PPP4R4: variants seen among roughly 807,000 people sequenced by gnomAD.
PPP4R4 encodes the protein serine/threonine-protein phosphatase 4 regulatory subunit 4.
Under a neutral mutation model 121.8 loss-of-function variants are expected in PPP4R4, and 70 were observed. That is an observed-to-expected ratio of 0.57 (90% CI 0.47 to 0.70). PPP4R4 has a LOEUF of 0.70. PPP4R4 is among the 30% of genes least tolerant of loss of function. The probability of loss-of-function intolerance (pLI) is 0.00; values close to 1 mark genes in which losing one functional copy is unlikely to be tolerated. For synonymous variants in PPP4R4, 348 were observed against 355.7 expected, an observed-to-expected ratio of 0.98 and a Z score of 0.24; for missense variants, 875 against 1,033.6, an observed-to-expected ratio of 0.85 and a Z score of 2.10.
intron 2 of PPP4R4, among the ~76,000 whole-genome samples, chr14:94,177,978 A>G (rs1398648611): frequency 1.3e-5 from 2 of 152,206 alleles, no homozygotes; most frequent in African/African-American, 4.8e-5. Flanking sequence ...TTGGTTATGT[A>G]TGGATTCTCC....
At chr14:94,193,332 A>T (rs1260767654) in intron 2 of PPP4R4, among the ~76,000 whole-genome samples, 2 of 152,132 alleles carry the variant, frequency 1.3e-5, no homozygotes, top group Non-Finnish European at 2.9e-5. Flanking sequence ...AGTGGTTGGT[A>T]TGAGTTTTGG....
intron 24 of PPP4R4, 48 bp from the exon 25 acceptor site, chr14:94,278,571 C>T: frequency 7.3e-7 from 1 of 1,367,396 alleles, no homozygotes; most frequent in Non-Finnish European, 1.0e-6. Flanking sequence ...TTTCTCACTC[C>T]CTCCTTCCCC....
At chr14:94,202,646 T>C (rs1890251442) in intron 2 of PPP4R4, among the ~76,000 whole-genome samples, 1 of 152,232 alleles carries the variant, frequency 6.6e-6, no homozygotes, top group Non-Finnish European at 1.5e-5. Flanking sequence ...GGTATCCATG[T>C]GTTTTTTGAA....
rs1595515479 is a variant in PPP4R4, at chr14:94,242,080, A to G, written c.1146+123A>G. 17 of 1,143,930 alleles carry G rather than the reference A, an allele frequency of 1.5e-5. No homozygotes were observed. The East Asian group carries it at 1.5e-4, about 10-fold the overall frequency. 70.9% of individuals were successfully genotyped at this position (1,143,930 alleles called of 1,614,324 possible). On this transcript the variant is annotated intron_variant, in intron 10 of 24. Coordinates refer to ENST00000304338, the MANE Select transcript of PPP4R4 (RefSeq NM_058237.2). ...TGCTTGCATTATGTCTAGCATACAT[A>G]GTATGTGCAGAGTAAATATTTGTGA...
Position 94,244,623 on chromosome 14 carries a change from G to C in PPP4R4, c.1267-12G>C. 1.4e-6 allele frequency: 2 copies of C among 1,475,506 alleles called. No individual in the cohort carries two copies. Among genetic ancestry groups the C allele is most frequent in the Admixed American group, 2.1e-5 (1 of 47,342 alleles). 91.4% of individuals were successfully genotyped at this position (1,475,506 alleles called of 1,614,324 possible). A position where few individuals can be genotyped will look rare whatever the true frequency, so the allele number is the denominator to read the frequency against. ...ACTCTCAAATCTGAGAGACTTTATT[G>C]CTATATTTTAGGTATCTAAGCTTCT... On this transcript the variant is annotated splice_polypyrimidine_tract_variant and intron_variant, in intron 11 of 24. Transcript: ENST00000304338.
intron 3 of PPP4R4, among the ~76,000 whole-genome samples, chr14:94,222,159 A>G (rs1891437976): frequency 6.6e-6 from 1 of 151,984 alleles, no homozygotes; most frequent in Admixed American, 6.5e-5. Flanking sequence ...TCCCATTTAC[A>G]TTTAATGTAA....
chr14:94,209,607 G>C (rs564374128), intron 3 of PPP4R4, among the ~76,000 whole-genome samples: 1 of 152,060 alleles, frequency 6.6e-6, no homozygotes, highest in East Asian at 1.9e-4. Context: ...TTTTATATCT[G>C]TTTTTCCCAG....
Position 94,174,470 on chromosome 14 carries a change from A to G in PPP4R4, c.5A>G (p.His2Arg). ...GGCGAGAGTGCCCGGCGGTCCATGC[A>G]TCCGCCGCCGCCCGCCGCCGCGATG... The part of the protein sequence containing the change: M[H>R]PPPPAAAMDF... Residue 2 changes from histidine (H) to arginine (R), a missense_variant, in exon 1 of 25, where the codon CAT (histidine) becomes CGT (arginine). His to Arg is a conservative substitution (Grantham distance 29, BLOSUM62 0). Transcript: ENST00000304338. 1 of 1,602,028 alleles carries G rather than the reference A, an allele frequency of 6.2e-7. No homozygotes were observed. Among genetic ancestry groups the G allele is most frequent in the East Asian group, 2.3e-5 (1 of 44,126 alleles).
chr14:94,265,571 A>G (rs1007952820), intron 21 of PPP4R4, 98 bp downstream of exon 21: 10 of 1,071,894 alleles, frequency 9.3e-6, no homozygotes, highest in Non-Finnish European at 1.3e-5. Context: ...CAGTAGGATA[A>G]TATATCTCAT....
intron 24 of PPP4R4, among the ~76,000 whole-genome samples, chr14:94,276,233 C>T (rs1894631814): frequency 6.6e-6 from 1 of 152,186 alleles, no homozygotes; most frequent in African/African-American, 2.4e-5. Flanking sequence ...AGACTTTTAA[C>T]AAGATTTAGA....
chr14:94,205,391 C>T (rs1016227806), intron 2 of PPP4R4, among the ~76,000 whole-genome samples: 8 of 152,050 alleles, frequency 5.3e-5, no homozygotes, highest in South Asian at 2.1e-4. Context: ...AGATACCTAC[C>T]GTTTCAATCC....
intron 22 of PPP4R4, among the ~76,000 whole-genome samples, 172 bp from the exon 23 acceptor site, chr14:94,266,787 C>T (rs567697751): frequency 1.3e-4 from 20 of 151,776 alleles, no homozygotes; most frequent in Middle Eastern, 3.2e-3. Context: ...AAGTTATAGA[C>T]GAAGTAAGTG....
chr14:94,236,946 A>G (rs1338620545), intron 7 of PPP4R4, among the ~76,000 whole-genome samples: 1 of 152,184 alleles, frequency 6.6e-6, no homozygotes, highest in Non-Finnish European at 1.5e-5. Context: ...CCTTGATCAG[A>G]GTGTTTGTCA....
chr14:94,237,996 T>A (rs1892436213), intron 8 of PPP4R4, among the ~76,000 whole-genome samples: 1 of 152,208 alleles, frequency 6.6e-6, no homozygotes, highest in African/African-American at 2.4e-5. Flanking sequence ...CTGTTTCTGA[T>A]GAGGGCCTCA....
chr14:94,257,420 G>T (rs1190495546), intron 17 of PPP4R4, among the ~76,000 whole-genome samples: 1 of 151,924 alleles, frequency 6.6e-6, no homozygotes, highest in African/African-American at 2.4e-5. Flanking sequence ...TTCCTTATTA[G>T]TGTCATAAAT....
At chr14:94,222,642 C>T (rs998571396) in intron 3 of PPP4R4, among the ~76,000 whole-genome samples, 1 of 149,168 alleles carries the variant, frequency 6.7e-6, no homozygotes, top group African/African-American at 2.5e-5. Flanking sequence ...AACAAATTAT[C>T]TTTGTTTTTG....
chr14:94,231,357 C>CT, intron 5 of PPP4R4, 42 bp downstream of exon 5: 1 of 1,485,186 alleles, frequency 6.7e-7, no homozygotes, highest in South Asian at 1.3e-5. Context: ...GTAAGTCACT[C>CT]TAAGGTTTTT....
chr14:94,205,681 A>AT (rs368158478), intron 2 of PPP4R4, among the ~76,000 whole-genome samples: 2 of 151,448 alleles, frequency 1.3e-5, no homozygotes, highest in African/African-American at 4.8e-5. Context: ...ACAAATGTTG[A>AT]TTTTTTATTT....
chr14:94,230,790 C>A, intron 4 of PPP4R4, 56 bp downstream of exon 4: 1 of 1,507,280 alleles, frequency 6.6e-7, no homozygotes, highest in South Asian at 1.2e-5. Flanking sequence ...TTGTGTATGG[C>A]CATGATATTA....
Sources: allele counts gnomAD v4.1 joint callset (sites outside exome capture counted in the v4.1 genomes callset), GRCh38; gene constraint gnomAD v4.1.1; transcripts MANE v1.5; gene names NCBI Gene and HGNC (gene_info 2026-07-23, HGNC 2026-07-21).